Variants in TEAD1 observed in about 807,000 individuals in gnomAD.
The protein encoded by TEAD1 is TEA domain transcription factor 1.
A neutral mutation model predicts 54.9 loss-of-function variants in TEAD1; 9 were observed. The observed-to-expected ratio is 0.16, with a 90% CI of 0.10 to 0.29. The LOEUF is 0.29. Ranked by LOEUF, TEAD1 falls within the 10% of genes least tolerant of loss-of-function variation. The pLI, the probability that TEAD1 is intolerant of heterozygous loss-of-function variation, is 1.00. For missense variants in TEAD1, 387 were observed against 535.9 expected (o/e 0.72, Z 2.74); for synonymous variants, 200 against 187.8 (o/e 1.07, Z -0.53).
At chr11:12,700,153 T>C (rs999397199) in intron 2 of TEAD1, among the ~76,000 whole-genome samples, 3 of 152,244 alleles carry the variant, frequency 2.0e-5, no homozygotes, top group Non-Finnish European at 4.4e-5. Flanking sequence ...TACCTTTTTT[T>C]CTATAATTAG....
chr11:12,841,817 G>A (rs1302338517), intron 3 of TEAD1, among the ~76,000 whole-genome samples: 1 of 152,168 alleles, frequency 6.6e-6, no homozygotes, highest in East Asian at 1.9e-4. Flanking sequence ...GGGAAACTGA[G>A]GCTCACAAAG....
intron 3 of TEAD1, among the ~76,000 whole-genome samples, chr11:12,825,813 G>T (rs1158227601): frequency 6.6e-6 from 1 of 152,168 alleles, no homozygotes; most frequent in Non-Finnish European, 1.5e-5. Flanking sequence ...ATAGACAGTG[G>T]TGTAAGCATA....
At chr11:12,712,095 A>G (rs1004353031) in intron 2 of TEAD1, among the ~76,000 whole-genome samples, 5 of 152,158 alleles carry the variant, frequency 3.3e-5, no homozygotes, top group African/African-American at 9.7e-5. Context: ...GACATTCTCC[A>G]TAACAGTCCC....
At chr11:12,765,365 G>C (rs994290970) in intron 3 of TEAD1, among the ~76,000 whole-genome samples, 4 of 152,168 alleles carry the variant, frequency 2.6e-5, no homozygotes, top group Admixed American at 2.0e-4. Context: ...TGAGTTGACA[G>C]AGTTCGCACT....
At chr11:12,719,155 C>T (rs1007042886) in intron 2 of TEAD1, among the ~76,000 whole-genome samples, 9 of 151,690 alleles carry the variant, frequency 5.9e-5, no homozygotes, top group Non-Finnish European at 1.2e-4. Context: ...TTCCCAAGCC[C>T]CCTCCTCCGC....
chr11:12,721,619 C>T (rs1482687310), intron 2 of TEAD1, among the ~76,000 whole-genome samples: 1 of 152,188 alleles, frequency 6.6e-6, no homozygotes, highest in Non-Finnish European at 1.5e-5. Context: ...TCTAAATACA[C>T]ATTATGTTCC....
At chr11:12,844,728 G>A (rs1947105255) in intron 3 of TEAD1, among the ~76,000 whole-genome samples, 1 of 152,022 alleles carries the variant, frequency 6.6e-6, no homozygotes, top group Non-Finnish European at 1.5e-5. Flanking sequence ...GCTGCTGTTG[G>A]ACAAGACCAT....
intron 11 of TEAD1, among the ~76,000 whole-genome samples, chr11:12,926,265 C>T (rs56796753): frequency 1.6e-3 from 247 of 152,212 alleles, no homozygotes; most frequent in African/African-American, 5.6e-3. Flanking sequence ...TGCAGGCCCT[C>T]GTAGCACAAG....
intron 5 of TEAD1, among the ~76,000 whole-genome samples, chr11:12,865,707 CT>C (rs35107548): frequency 1.3e-5 from 2 of 152,140 alleles, no homozygotes; most frequent in African/African-American, 4.8e-5. Flanking sequence ...CTTCTTTCTG[CT>C]TTTTCCCTTT....
At position 12,828,693 on chromosome 11, in the gene TEAD1, A is replaced by T. The variant is rs868722131; in HGVS notation, c.203-33557A>T. 3.7e-4 allele frequency among the ~76,000 whole-genome samples: 40 copies of T among 108,324 alleles called. 1 individual carries two copies. In the South Asian group the frequency reaches 0.015, roughly 40 times the overall value. The allele number at this position is 108,324 out of a possible 152,430, so 71.1% of individuals were successfully genotyped here. ...TAACTGAGTGATTTTTTTTTTTTTT[A>T]AATGGTACCTATTAACCAAAAAATC... On this transcript the variant is annotated intron_variant, in intron 3 of 12. Coordinates refer to ENST00000527636, the MANE Select transcript of TEAD1 (RefSeq NM_021961.6).
chr11:12,728,896 C>T (rs1944365826), intron 2 of TEAD1, among the ~76,000 whole-genome samples: 1 of 152,126 alleles, frequency 6.6e-6, no homozygotes, highest in Admixed American at 6.5e-5. Context: ...AGGGGTTGTG[C>T]CCAAACCATT....
chr11:12,743,569 G>A (rs958269353), intron 2 of TEAD1, among the ~76,000 whole-genome samples: 4 of 152,128 alleles, frequency 2.6e-5, no homozygotes, highest in Non-Finnish European at 4.4e-5. Context: ...GAATAACTTA[G>A]CAGAAACAGC....
At chr11:12,794,750 T>C (rs1171831273) in intron 3 of TEAD1, among the ~76,000 whole-genome samples, 2 of 152,190 alleles carry the variant, frequency 1.3e-5, no homozygotes, top group African/African-American at 2.4e-5. Flanking sequence ...TGGGTGTGCA[T>C]GCACATAATG....
At chr11:12,704,177 A>G (rs532911387) in intron 2 of TEAD1, among the ~76,000 whole-genome samples, 6 of 152,278 alleles carry the variant, frequency 3.9e-5, no homozygotes, top group African/African-American at 1.4e-4. Flanking sequence ...AGGCTAGAGG[A>G]AGATGACGAA....
chr11:12,875,516 C>T (rs1238528371), intron 5 of TEAD1, among the ~76,000 whole-genome samples: 1 of 152,140 alleles, frequency 6.6e-6, no homozygotes, highest in African/African-American at 2.4e-5. Flanking sequence ...TTATTATTTC[C>T]AGGGTCACAT....
chr11:12,849,634 G>T (rs1189992044), intron 3 of TEAD1, among the ~76,000 whole-genome samples: 2 of 152,182 alleles, frequency 1.3e-5, no homozygotes, highest in African/African-American at 2.4e-5. Flanking sequence ...GAAGTTGATA[G>T]AATTCTTCTG....
chr11:12,691,575 C>A (rs1254355846), intron 2 of TEAD1, among the ~76,000 whole-genome samples: 1 of 152,188 alleles, frequency 6.6e-6, no homozygotes, highest in Non-Finnish European at 1.5e-5. Flanking sequence ...TTGCCACTTT[C>A]ATGCTTGTGC....
chr11:12,715,790 A>C (rs892935516), intron 2 of TEAD1, among the ~76,000 whole-genome samples: 1 of 152,152 alleles, frequency 6.6e-6, no homozygotes, highest in African/African-American at 2.4e-5. Flanking sequence ...AATATTTGGG[A>C]AAAATTTATA....
intron 2 of TEAD1, among the ~76,000 whole-genome samples, chr11:12,691,961 C>G (rs1166805482): frequency 1.3e-5 from 2 of 152,128 alleles, no homozygotes; most frequent in Non-Finnish European, 2.9e-5. Context: ...AAGAATTTAT[C>G]ACTAGTCTAT....
Sources: allele counts gnomAD v4.1 joint callset (sites outside exome capture counted in the v4.1 genomes callset), GRCh38; gene constraint gnomAD v4.1.1; transcripts MANE v1.5; gene names NCBI Gene and HGNC (gene_info 2026-07-23, HGNC 2026-07-21).